Variants in SGSM1 observed in about 807,000 individuals in gnomAD.
The protein encoded by SGSM1 is small G protein signaling modulator 1.
SGSM1 carries 73 observed loss-of-function variants against 133.8 expected under a neutral mutation model. The observed-to-expected ratio is 0.55, with a 90% CI of 0.45 to 0.66. The LOEUF (loss-of-function observed/expected upper bound fraction) is 0.66. Among genes scored for constraint, SGSM1 ranks in the 30% least tolerant of loss-of-function variants. SGSM1 has a pLI of 0.00. For missense variants in SGSM1, 1,213 were observed against 1,448.1 expected (o/e 0.84, Z 2.64); for synonymous variants, 563 against 573.0 (o/e 0.98, Z 0.25).
At chr22:24,851,449 G>GGAGA (rs56956761) in intron 5 of SGSM1, among the ~76,000 whole-genome samples, 9,051 of 112,678 alleles carry the variant, frequency 0.08, 411 homozygotes, top group East Asian at 0.1. Flanking sequence ...GGGGGTGGGG[G>GGAGA]GAGAGAGAGA....
chr22:24,808,137 G>T (rs180905470), intron 2 of SGSM1, among the ~76,000 whole-genome samples: 1 of 137,462 alleles, frequency 7.3e-6, no homozygotes, highest in Non-Finnish European at 1.5e-5. Flanking sequence ...TTTTTGAGAC[G>T]GAGTCTCGCT....
At position 24,866,029 on chromosome 22, in the gene SGSM1, GC is replaced by G. The variant is rs145381756; in HGVS notation, c.927-1063del. Among the ~76,000 whole-genome samples, 591 of 152,252 alleles carry G rather than the reference GC, an allele frequency of 3.9e-3. 4 individuals are homozygous for G. Among genetic ancestry groups the G allele is most frequent in the African/African-American group, 0.013 (529 of 41,538 alleles). ...AAGTTAATCCGCTCTGCTCCCCTCA[GC>G]AAGGTCTTCTGAAGGAGATGTGAGT... On this transcript the variant is annotated intron_variant, in intron 9 of 24. Coordinates refer to ENST00000400358, the MANE Select transcript of SGSM1 (RefSeq NM_001098497.3).
intron 2 of SGSM1, among the ~76,000 whole-genome samples, chr22:24,829,200 G>GA (rs113498849): frequency 0.28 from 41,088 of 146,054 alleles, 6,305 homozygotes; most frequent in African/African-American, 0.44. Context: ...CATCTCAAAA[G>GA]AAAAAAAAAA....
intron 2 of SGSM1, among the ~76,000 whole-genome samples, chr22:24,820,557 T>C (rs1301880421): frequency 2.6e-5 from 4 of 152,234 alleles, no homozygotes; most frequent in Non-Finnish European, 5.9e-5. Context: ...CAGGCTCTTA[T>C]CATTTTTCAT....
intron 24 of SGSM1, among the ~76,000 whole-genome samples, chr22:24,923,552 T>C (rs1172645279): frequency 6.6e-6 from 1 of 152,204 alleles, no homozygotes; most frequent in African/African-American, 2.4e-5. Flanking sequence ...CAGCGTCTAC[T>C]GTGTGCCCAG....
intron 9 of SGSM1, 143 bp downstream of exon 9, chr22:24,859,983 C>T (rs139701): frequency 0.077 from 91,225 of 1,191,574 alleles, 5,498 homozygotes; most frequent in African/African-American, 0.29. Flanking sequence ...CCACTTGGCT[C>T]AGCCTCCCCG....
chr22:24,884,386 T>C (rs1237159513), intron 15 of SGSM1, among the ~76,000 whole-genome samples, 188 bp downstream of exon 15: 1 of 152,152 alleles, frequency 6.6e-6, no homozygotes, highest in African/African-American at 2.4e-5. Context: ...CCCATCAGTG[T>C]GGAGATTGAA....
chr22:24,888,411 A>T (rs147408830), intron 16 of SGSM1, among the ~76,000 whole-genome samples: 1 of 151,984 alleles, frequency 6.6e-6, no homozygotes, highest in African/African-American at 2.4e-5. Context: ...TTGGTGTTCA[A>T]TTGCTCCAGC....
At chr22:24,841,070 T>C (rs1012987594) in intron 2 of SGSM1, among the ~76,000 whole-genome samples, 11 of 151,926 alleles carry the variant, frequency 7.2e-5, no homozygotes, top group Non-Finnish European at 1.3e-4. Context: ...CAAGATGGTC[T>C]CGATCTCCTG....
intron 16 of SGSM1, among the ~76,000 whole-genome samples, chr22:24,887,937 T>C (rs976168325): frequency 4.6e-5 from 7 of 152,240 alleles, no homozygotes; most frequent in African/African-American, 1.7e-4. Flanking sequence ...TTGCATTTCC[T>C]AAACGGCTAA....
chr22:24,868,380 C>T lies in SGSM1; in HGVS notation c.999C>T (p.Asp333=). ...IVYLHCHQQV[D]SGGTVVLVSQ... is the part of the protein sequence containing the mutation. ...TCTGGCTGGTGGTGGCGGCAGTTGA[C>T]AGCGGCGGGACAGTGGTATTGGTCA... Residue 333 remains aspartate, a synonymous_variant, in exon 11 of 25, where the codon GAC becomes GAT. Coordinates refer to ENST00000400358, the MANE Select transcript of SGSM1 (RefSeq NM_001098497.3). 2 of 1,604,544 alleles carry T rather than the reference C, an allele frequency of 1.2e-6. No homozygotes were observed. The highest frequency in any genetic ancestry group is 1.7e-6 in the Non-Finnish European group (2 of 1,173,336).
At chr22:24,816,762 C>G (rs1022281429) in intron 2 of SGSM1, among the ~76,000 whole-genome samples, 1 of 152,206 alleles carries the variant, frequency 6.6e-6, no homozygotes, top group Non-Finnish European at 1.5e-5. Context: ...GACACTGTCT[C>G]TTGCCATCTC....
chr22:24,867,124 T>G lies in SGSM1; in HGVS notation c.958T>G (p.Leu320Val), dbSNP rs1455163149. 1.2e-6 allele frequency: 2 copies of G among 1,613,856 alleles called. No individual in the cohort carries two copies. The highest frequency in any genetic ancestry group is 1.7e-5 in the Admixed American group (1 of 60,008). The change falls in exon 10 of 25, where the codon TTG (leucine) becomes GTG (valine). Residue 320 changes from leucine (L) to valine (V), a missense_variant. Physicochemically the swap from Leu to Val is conservative, Grantham distance 32 (BLOSUM62 1). Transcript: ENST00000400358. ...VYWDYAMTIR[L>V]EEIVYLHCHQ... ...CTGGGACTATGCCATGACCATCCGC[T>G]TGGAGGAGATTGTCTACCTGCACTG...
chr22:24,851,899 T>C, intron 5 of SGSM1, among the ~76,000 whole-genome samples: 1 of 152,218 alleles, frequency 6.6e-6, no homozygotes, highest in African/African-American at 2.4e-5. Context: ...GCTCTGGATC[T>C]CCAGTTCCCT....
At chr22:24,854,728 A>T (rs1930666966) in intron 5 of SGSM1, among the ~76,000 whole-genome samples, 1 of 152,242 alleles carries the variant, frequency 6.6e-6, no homozygotes, top group South Asian at 2.1e-4. Flanking sequence ...AAGTGGAAGG[A>T]TCACTTGAGC....
chr22:24,833,335 G>A (rs970881304), intron 2 of SGSM1, among the ~76,000 whole-genome samples: 16 of 152,014 alleles, frequency 1.1e-4, no homozygotes, highest in Non-Finnish European at 1.6e-4. Flanking sequence ...AATCTCCAAA[G>A]ACAGCACATT....
At chr22:24,892,356 G>A (rs919503395) in intron 16 of SGSM1, among the ~76,000 whole-genome samples, 10 of 152,096 alleles carry the variant, frequency 6.6e-5, no homozygotes, top group African/African-American at 2.2e-4. Context: ...ATCCGTCCCC[G>A]TGGTGCCCAG....
intron 2 of SGSM1, among the ~76,000 whole-genome samples, chr22:24,840,861 T>C (rs73155749): frequency 0.04 from 6,037 of 152,266 alleles, 166 homozygotes; most frequent in Non-Finnish European, 0.061. Flanking sequence ...TGTTTTGTTT[T>C]GTTTTTTAAG....
intron 17 of SGSM1, among the ~76,000 whole-genome samples, chr22:24,894,070 G>C (rs1932862915): frequency 6.6e-6 from 1 of 152,196 alleles, no homozygotes; most frequent in Admixed American, 6.5e-5. Flanking sequence ...AGAACTTCCA[G>C]TTTAATAGCC....
Sources: allele counts gnomAD v4.1 joint callset (sites outside exome capture counted in the v4.1 genomes callset), GRCh38; gene constraint gnomAD v4.1.1; transcripts MANE v1.5; gene names NCBI Gene and HGNC (gene_info 2026-07-23, HGNC 2026-07-21).